Variants in ACACB observed in about 807,000 individuals in gnomAD.
The protein encoded by ACACB is acetyl-CoA carboxylase 2.
A neutral mutation model predicts 278.8 loss-of-function variants in ACACB; 209 were observed. The observed-to-expected ratio is 0.75, with a 90% CI of 0.67 to 0.84. The LOEUF is 0.84. ACACB is among the 40% of genes least tolerant of loss of function. The pLI is 0.00. For missense variants in ACACB, 2,850 were observed against 3,269.0 expected, an observed-to-expected ratio of 0.87 and a Z score of 3.13; for synonymous variants, 1,174 against 1,285.6, an observed-to-expected ratio of 0.91 and a Z score of 1.86.
chr12:109,193,252 C>T, intron 15 of ACACB, among the ~76,000 whole-genome samples: 1 of 138,692 alleles, frequency 7.2e-6, no homozygotes, highest in Non-Finnish European at 1.5e-5. Context: ...TAGTCTCGCT[C>T]TGTCACACAG....
Position 109,212,599 on chromosome 12 carries a change from C to T in ACACB, c.3250-237C>T, listed in dbSNP as rs145308015. On this transcript the variant is annotated intron_variant, in intron 21 of 52. Coordinates refer to ENST00000338432, the MANE Select transcript of ACACB (RefSeq NM_001093.4). ...TGCGCTCCTGTGAGAATCTAATGCT[C>T]CCGCTGATCTGACAGGAGGTGGAGC... is the stretch of plus-strand genomic sequence containing the variant. Among the ~76,000 whole-genome samples, 850 of 152,174 alleles carry T rather than the reference C, an allele frequency of 5.6e-3. 12 individuals carry two copies. The highest frequency in any genetic ancestry group is 0.02 in the African/African-American group (818 of 41,510).
intron 11 of ACACB, among the ~76,000 whole-genome samples, chr12:109,180,597 A>G (rs1443074331): frequency 6.6e-6 from 1 of 152,108 alleles, no homozygotes; most frequent in Non-Finnish European, 1.5e-5. Flanking sequence ...TGATGGGTAT[A>G]TAGTAAGTCT....
Position 109,247,701 on chromosome 12 carries a change from C to G in ACACB, c.5667C>G (p.Ser1889=), listed in dbSNP as rs774603797. 3.2e-5 allele frequency: 52 copies of G among 1,611,488 alleles called. No homozygotes were observed. The highest frequency in any genetic ancestry group is 4.2e-5 in the Non-Finnish European group (50 of 1,178,126). ...AACACATCGAGGAAGGAGGAGAGTC[C>G]AGGTAAATAACTTATCAGGTAGCTC... ...HCKHIEEGGE[S]RYMITDIIGK... is the part of the protein sequence containing the mutation. The change falls in exon 40 of 53, where the codon TCC becomes TCG. Residue 1889 remains serine, a splice_region_variant and synonymous_variant. Transcript: ENST00000338432.
rs142393083 is a variant in ACACB at position 109,239,924 on chromosome 12, G to T, written c.4757G>T (p.Arg1586Leu). 6.2e-7 allele frequency: 1 copy of T among 1,614,156 alleles called. No homozygotes were observed. The highest frequency in any genetic ancestry group is 2.2e-5 in the East Asian group (1 of 44,878). ...GTGGCGTTCAATAACACCAGCGTGC[G>T]CACCGACTGCAACCACATCTTCCTC... ...LEVAFNNTSV[R>L]TDCNHIFLNF... Residue 1586 changes from arginine to leucine, a missense_variant, in exon 35 of 53, where the codon CGC becomes CTC. This residue lies in a region of ACACB where 2,265 missense variants were observed against 2,561.3 expected (regional missense o/e 0.88). Coordinates refer to ENST00000338432, the MANE Select transcript of ACACB (RefSeq NM_001093.4).
chr12:109,169,335 A>G (rs1319043688), intron 4 of ACACB, among the ~76,000 whole-genome samples: 2 of 152,088 alleles, frequency 1.3e-5, no homozygotes, highest in Non-Finnish European at 2.9e-5. Flanking sequence ...GCTCTGTTTT[A>G]CAGATGGCAC....
rs569031638 is a variant in ACACB, at chr12:109,230,473, A to T, written c.4002-2196A>T. Among the ~76,000 whole-genome samples the T allele has an allele frequency of 5.6e-3, 854 of 152,262 alleles. 6 individuals carry two copies. Among genetic ancestry groups the T allele is most frequent in the Non-Finnish European group, 8.6e-3 (586 of 68,012 alleles). The stretch of plus-strand genomic sequence containing the variant: ...AGTCTAGTTCTGTCACCCAGGCTAG[A>T]GTGCAGTGGTGTGATCATAGCTCAC... On this transcript the variant is annotated intron_variant, in intron 28 of 52. Coordinates refer to ENST00000338432, the MANE Select transcript of ACACB (RefSeq NM_001093.4).
Position 109,209,912 on chromosome 12 carries a change from C to CACACACACGT in ACACB, c.3249+559_3249+560insACACACACGT, listed in dbSNP as rs1555222470. On this transcript the variant is annotated intron_variant, in intron 21 of 52. Transcript: ENST00000338432. Reference sequence around the variant, plus strand: ...ATATGTATATACACACATACACACACGTGTGTATATATGTGTATACACACA... The same window carrying CACACACACGT: ...ATATGTATATACACACATACACACACACACACACGTGTGTGTATATATGTGTATACACACA... Among the ~76,000 whole-genome samples, 2 of 61,182 alleles carry CACACACACGT rather than the reference C, an allele frequency of 3.3e-5. 1 individual carries two copies. The highest frequency in any genetic ancestry group is 2.8e-4 in the Admixed American group (2 of 7,048). 40.1% of individuals were successfully genotyped at this position (61,182 alleles called of 152,430 possible).
intron 1 of ACACB, among the ~76,000 whole-genome samples, chr12:109,129,322 C>T (rs919267157): frequency 6.6e-6 from 1 of 152,102 alleles, no homozygotes; most frequent in African/African-American, 2.4e-5. Context: ...GTGACTGAGC[C>T]TCGGTTTTCT....
At chr12:109,114,651 T>C (rs571021692), upstream of ACACB, among the ~76,000 whole-genome samples, 1 of 152,056 alleles carries the variant, frequency 6.6e-6, no homozygotes, top group South Asian at 2.1e-4. Flanking sequence ...CAAGACCAAC[T>C]TGGGCAACAT....
rs1205342113 is a variant in ACACB, at chr12:109,246,259, C to T, written c.5382C>T (p.Asp1794=). 5.0e-6 allele frequency: 8 copies of T among 1,613,498 alleles called. No homozygotes were observed. The highest frequency in any genetic ancestry group is 6.8e-6 in the Non-Finnish European group (8 of 1,179,934). The change falls in exon 39 of 53, where the codon GAC becomes GAT. Residue 1794 remains aspartate (D), a synonymous_variant. Coordinates refer to ENST00000338432, the MANE Select transcript of ACACB (RefSeq NM_001093.4). The stretch of plus-strand genomic sequence containing the variant: ...GGGATGTGATCGTCATCGGCAATGA[C>T]ATCACCTTTCGCATTGGATCCTTTG... The part of the protein sequence containing the change: ...EGRDVIVIGN[D]ITFRIGSFGP...
intron 43 of ACACB, 32 bp from the exon 44 acceptor site, chr12:109,254,182 G>A: frequency 6.2e-7 from 1 of 1,612,738 alleles, no homozygotes; most frequent in Non-Finnish European, 8.5e-7. Context: ...AAGCACCACA[G>A]ACTAAGTCAG....
chr12:109,121,620 C>G (rs2042550926), intron 1 of ACACB, among the ~76,000 whole-genome samples: 1 of 152,198 alleles, frequency 6.6e-6, no homozygotes, highest in South Asian at 2.1e-4. Context: ...AGCAGGGGTT[C>G]AACAGCCGTG....
Position 109,206,745 on chromosome 12 carries a change from G to C in ACACB, c.2949G>C (p.Gln983His). ...TCACAGGAGAACTCCCTGCCCAGCA[G>C]ACACTGCCCATCCTCGGAGAGAAAC... ...EPFTGELPAQ[Q>H]TLPILGEKLH... The change falls in exon 20 of 53, where the codon CAG becomes CAC. Residue 983 changes from glutamine (Q) to histidine (H), a missense_variant. This residue lies in a region of ACACB where 2,265 missense variants were observed against 2,561.3 expected (regional missense o/e 0.88). Coordinates refer to ENST00000338432, the MANE Select transcript of ACACB (RefSeq NM_001093.4). 1 of 1,614,140 alleles carries C rather than the reference G, an allele frequency of 6.2e-7. No individual in the cohort carries two copies. The highest frequency in any genetic ancestry group is 1.1e-5 in the South Asian group (1 of 91,078).
At chr12:109,204,173 G>A (rs4766565) in intron 19 of ACACB, among the ~76,000 whole-genome samples, 25,131 of 151,512 alleles carry the variant, frequency 0.17, 2,615 homozygotes, top group East Asian at 0.44. Flanking sequence ...ATTTCTTTGC[G>A]CTAGGAACAT....
At chr12:109,189,331 T>C (rs1177259570) in intron 13 of ACACB, among the ~76,000 whole-genome samples, 1 of 152,088 alleles carries the variant, frequency 6.6e-6, no homozygotes, top group African/African-American at 2.4e-5. Flanking sequence ...TAGTGAAAAA[T>C]CAAGATCCTT....
At chr12:109,236,254 G>A (rs1393447106) in intron 33 of ACACB, 1 of 152,756 alleles carries the variant, frequency 6.5e-6, no homozygotes, top group East Asian at 1.9e-4. Context: ...TATTTCCATT[G>A]AGAGCCCTCT....
chr12:109,167,552 T>C (rs961323328), intron 3 of ACACB, among the ~76,000 whole-genome samples: 1 of 147,436 alleles, frequency 6.8e-6, no homozygotes, highest in African/African-American at 2.5e-5. Flanking sequence ...TGAGCTGTGA[T>C]TGCACCACTG....
At position 109,212,848 on chromosome 12, in the gene ACACB, C is replaced by T. The variant is rs142373117; in HGVS notation, c.3262C>T (p.Leu1088=). 3.7e-5 allele frequency: 59 copies of T among 1,614,002 alleles called. No individual in the cohort carries two copies. The Middle Eastern group carries it at 8.2e-4, about 22-fold the overall frequency. The change falls in exon 22 of 53, where the codon CTG becomes TTG. Residue 1088 remains leucine (L), a synonymous_variant. Transcript: ENST00000338432. ...QFPSQQIATI[L]DCHAATLQRK... The stretch of plus-strand genomic sequence containing the variant: ...TTTTCCCATCCAGATAGCCACCATC[C>T]TGGACTGCCATGCAGCCACCCTGCA...
intron 29 of ACACB, 100 bp downstream of exon 29, chr12:109,232,906 AC>A: frequency 7.0e-7 from 1 of 1,427,542 alleles, no homozygotes; most frequent in Non-Finnish European, 9.6e-7. Flanking sequence ...GGTGGGAGAG[AC>A]CCAGACACGT....
Sources: allele counts gnomAD v4.1 joint callset (sites outside exome capture counted in the v4.1 genomes callset), GRCh38; gene constraint gnomAD v4.1.1; regional missense constraint gnomAD v4.1.1; transcripts MANE v1.5; gene names NCBI Gene and HGNC (gene_info 2026-07-23, HGNC 2026-07-21).